The following STOX2 variants were observed in gnomAD, a reference collection of about 807,000 sequenced individuals.
STOX2 encodes the protein storkhead box 2, also known as storkhead-box protein 2.
In STOX2, 28 loss-of-function variants were observed where a neutral mutation model predicts 60.9. The ratio of observed to expected loss-of-function variants is 0.46; its 90% CI spans 0.34 to 0.63. The LOEUF (loss-of-function observed/expected upper bound fraction) is 0.63. Ranked by LOEUF, STOX2 falls within the 30% of genes least tolerant of loss-of-function variation. The pLI is 0.01. For missense variants in STOX2, 1,024 were observed against 1,187.7 expected (o/e 0.86, Z 2.03); for synonymous variants, 472 against 463.9 (o/e 1.02, Z -0.22).
rs1738813555 is a variant in STOX2 at position 183,803,429 on chromosome 4, A to G, written c.364+5374A>G. 2.6e-5 allele frequency among the ~76,000 whole-genome samples: 4 copies of G among 152,254 alleles called. No individual in the cohort carries two copies. The South Asian group carries it at 8.3e-4, about 31-fold the overall frequency. ...CACAGACATTTGTATACTCAAAAGA[A>G]GTTACAGTTCAATAACTTACTTAAG... On this transcript the variant is annotated intron_variant, in intron 1 of 2. Coordinates refer to the STOX2 transcript ENST00000513034.
In STOX2 at chr4:183,825,957, G is replaced by C. The variant is rs1739421762; in HGVS notation, c.364+27902G>C. Among the ~76,000 whole-genome samples, 1 of 152,134 alleles carries C rather than the reference G, an allele frequency of 6.6e-6. No homozygotes were observed. Among genetic ancestry groups the C allele is most frequent in the African/African-American group, 2.4e-5 (1 of 41,404 alleles). ...AAAATCGACACCATTTGCAGTCGCT[G>C]AAACCTTTGGGTAATCTATCACCTC... On this transcript the variant is annotated intron_variant, in intron 1 of 2. Transcript: ENST00000513034. This position sits in a 1 kb window ranked among gnomAD's most constrained non-coding sequence, Gnocchi z 4.1.
At position 183,829,382 on chromosome 4, in the gene STOX2, T is replaced by C. The variant is rs62340386; in HGVS notation, c.364+31327T>C. On this transcript the variant is annotated intron_variant, in intron 1 of 2. Transcript: ENST00000513034. ...GTGGAAAAAAGCCGTTTCCTTTCTC[T>C]TTTTGTTGCAACTTCTAGTCCCTTG... Among the ~76,000 whole-genome samples the C allele has an allele frequency of 8.7e-3, 1,331 of 152,364 alleles. 12 individuals carry two copies. The highest frequency in any genetic ancestry group is 0.015 in the Non-Finnish European group (1,009 of 68,032).
intron 1 of STOX2, among the ~76,000 whole-genome samples, chr4:183,799,664 G>C (rs1738716157): frequency 4.4e-5 from 1 of 22,594 alleles, no homozygotes; most frequent in Non-Finnish European, 3.3e-4. Context: ...CCCCCTACCC[G>C]TACTTTTTTG....
Position 183,886,103 on chromosome 4 carries a change from G to C in STOX2, c.364+88048G>C, listed in dbSNP as rs372520827. Among the ~76,000 whole-genome samples the C allele has an allele frequency of 9.1e-3, 679 of 74,526 alleles. 21 individuals are homozygous for C. The highest frequency in any genetic ancestry group is 0.013 in the South Asian group (21 of 1,674). The allele number at this position is 74,526 out of a possible 152,430, so 48.9% of individuals were successfully genotyped here. ...CGATGGTTGCTGGATGGTGTAGGCA[G>C]ATGCAAAATCAGGAGGGTGAAGGTT... On this transcript the variant is annotated intron_variant, in intron 1 of 2. Transcript: ENST00000513034.
In STOX2 at chr4:183,929,390, C is replaced by T. The variant is rs560258863; in HGVS notation, c.166+22434C>T. Among the ~76,000 whole-genome samples the T allele has an allele frequency of 4.6e-5, 7 of 152,280 alleles. No individual in the cohort carries two copies. The East Asian group carries it at 9.6e-4, about 21-fold the overall frequency. ...CGCGTTAGGAATTCAGGGAAAAGAA[C>T]GGCCTAGGTCTGGAGGTTTGGAAGT... On this transcript the variant is annotated intron_variant, in intron 1 of 3. Coordinates refer to ENST00000308497, the MANE Select transcript of STOX2 (RefSeq NM_020225.3).
chr4:184,005,217 T>C (rs1733772830), intron 2 of STOX2, among the ~76,000 whole-genome samples: 1 of 152,204 alleles, frequency 6.6e-6, no homozygotes, highest in Non-Finnish European at 1.5e-5. Context: ...CCCAGCAATT[T>C]GGGAGGCCGA....
rs76458380 is a variant in STOX2 at position 183,907,996 on chromosome 4, C to T, written c.166+1040C>T. 9.6e-3 allele frequency among the ~76,000 whole-genome samples: 1,466 copies of T among 152,338 alleles called. 22 individuals are homozygous for T. The highest frequency in any genetic ancestry group is 0.033 in the African/African-American group (1,388 of 41,572). ...TGAGCCCTGTCTTAACTGGGAAGAT[C>T]ATTTTAAGCTTGTGGTTGGTACTTA... On this transcript the variant is annotated intron_variant, in intron 1 of 3. Coordinates refer to ENST00000308497, the MANE Select transcript of STOX2 (RefSeq NM_020225.3).
At chr4:183,830,257 G>A (rs1739535205) in intron 1 of STOX2, among the ~76,000 whole-genome samples, 1 of 152,150 alleles carries the variant, frequency 6.6e-6, no homozygotes, top group Non-Finnish European at 1.5e-5. Flanking sequence ...ATTGGGCTAG[G>A]AGTAACATAC....
At chr4:183,990,828 C>T (rs561521396) in intron 1 of STOX2, among the ~76,000 whole-genome samples, 31 of 151,860 alleles carry the variant, frequency 2.0e-4, no homozygotes, top group Admixed American at 1.4e-3. Flanking sequence ...ACATTGATCA[C>T]GGTTTACTTG....
upstream of STOX2, among the ~76,000 whole-genome samples, chr4:183,901,623 C>T (rs6857236): frequency 0.83 from 123,603 of 149,532 alleles, 52,446 homozygotes; most frequent in East Asian, 0.94. Flanking sequence ...TGATAGTAGC[C>T]GTCCTAATGG....
chr4:183,850,589 C>T (rs1357778298), intron 1 of STOX2, among the ~76,000 whole-genome samples: 3 of 151,938 alleles, frequency 2.0e-5, no homozygotes, highest in Admixed American at 1.3e-4. Context: ...ATTAGCTGGG[C>T]TTGGTGGCAG....
chr4:183,932,560 T>G (rs914592898), intron 1 of STOX2, among the ~76,000 whole-genome samples: 8 of 151,290 alleles, frequency 5.3e-5, no homozygotes, highest in African/African-American at 2.0e-4. Flanking sequence ...TTGGCAGGCA[T>G]TTTTTTCCTT....
chr4:183,881,201 G>A (rs1037642243), intron 1 of STOX2, among the ~76,000 whole-genome samples: 7 of 152,054 alleles, frequency 4.6e-5, no homozygotes, highest in Non-Finnish European at 1.0e-4. Context: ...AGTCCCAGTC[G>A]TGGAGAACAA....
Position 183,847,062 on chromosome 4 carries a change from C to G in STOX2, c.364+49007C>G, listed in dbSNP as rs59421043. Among the ~76,000 whole-genome samples, 1,246 of 152,210 alleles carry G rather than the reference C, an allele frequency of 8.2e-3. 19 individuals carry two copies. The highest frequency in any genetic ancestry group is 0.024 in the African/African-American group (1,004 of 41,534). On this transcript the variant is annotated intron_variant, in intron 1 of 2. Coordinates refer to the STOX2 transcript ENST00000513034. ...CAAAGATTCCCTCAAACATCTGGAA[C>G]AAAAACAGAAAAAAGAATCAGAGAG... is the stretch of plus-strand genomic sequence containing the variant.
intron 1 of STOX2, among the ~76,000 whole-genome samples, chr4:183,844,434 A>G (rs1186604981): frequency 6.6e-6 from 1 of 152,204 alleles, no homozygotes; most frequent in Non-Finnish European, 1.5e-5. Context: ...TATTAAAAAT[A>G]TTTTAAAAAT....
chr4:183,990,726 A>G (rs1326581648), intron 1 of STOX2, among the ~76,000 whole-genome samples: 1 of 150,756 alleles, frequency 6.6e-6, no homozygotes, highest in Non-Finnish European at 1.5e-5. Context: ...AGAAGTTGTG[A>G]TGGTTCTTAC....
chr4:183,872,357 A>G (rs149938625), intron 1 of STOX2, among the ~76,000 whole-genome samples: 416 of 152,322 alleles, frequency 2.7e-3, no homozygotes, highest in African/African-American at 9.5e-3. Context: ...TGCCCGGCCA[A>G]GTGGAACCAT....
intron 1 of STOX2, among the ~76,000 whole-genome samples, chr4:183,848,224 T>G (rs941108292): frequency 2.0e-5 from 3 of 152,202 alleles, no homozygotes; most frequent in African/African-American, 7.2e-5. Flanking sequence ...CTAATGATGC[T>G]GTCAAGAACT....
At chr4:183,809,319 C>A (rs1452698054) in intron 1 of STOX2, among the ~76,000 whole-genome samples, 1 of 152,138 alleles carries the variant, frequency 6.6e-6, no homozygotes, top group Non-Finnish European at 1.5e-5. Context: ...CGAACTCTTC[C>A]TCAAGTGATC....
Sources: gnomAD v4.1 joint callset for allele counts (sites outside exome capture counted in the v4.1 genomes callset) on GRCh38, gnomAD v4.1.1 for gene constraint, Gnocchi (gnomAD v3.1) non-coding constraint, MANE v1.5 for transcripts, NCBI Gene and HGNC (gene_info 2026-07-23, HGNC 2026-07-21) for gene names.